The following MALRD1 variants were observed in gnomAD, a reference collection of about 807,000 sequenced individuals.
MALRD1 encodes the protein MAM and LDL receptor class A domain containing 1.
Under a neutral mutation model 242.1 loss-of-function variants are expected in MALRD1, and 247 were observed. The ratio of observed to expected loss-of-function variants is 1.02; its 90% CI spans 0.92 to 1.13. The LOEUF is 1.13. Ranked by LOEUF, MALRD1 falls within the 50% of genes most tolerant of loss-of-function variation. The pLI, the probability that MALRD1 is intolerant of heterozygous loss-of-function variation, is 0.00. For synonymous variants in MALRD1, 995 were observed against 866.6 expected, an observed-to-expected ratio of 1.15 and a Z score of -2.60; for missense variants, 2,989 against 2,533.1, an observed-to-expected ratio of 1.18 and a Z score of -3.86.
At chr10:19,697,803 C>T (rs1030106961) in intron 38 of MALRD1, among the ~76,000 whole-genome samples, 4 of 152,092 alleles carry the variant, frequency 2.6e-5, no homozygotes, top group Non-Finnish European at 5.9e-5. Flanking sequence ...TCTTTCTTTG[C>T]CAGGCTCTAC....
chr10:19,704,884 T>G (rs1433999225), intron 38 of MALRD1, among the ~76,000 whole-genome samples: 2 of 152,124 alleles, frequency 1.3e-5, no homozygotes, highest in Non-Finnish European at 2.9e-5. Flanking sequence ...TGGGTGCTCA[T>G]GCCTGTAATC....
At chr10:19,144,024 A>G (rs570113354) in intron 10 of MALRD1, among the ~76,000 whole-genome samples, 86 of 152,322 alleles carry the variant, frequency 5.6e-4, no homozygotes, top group African/African-American at 1.6e-3. Flanking sequence ...AACATAGCCA[A>G]GAGCAATAGA....
intron 31 of MALRD1, among the ~76,000 whole-genome samples, chr10:19,521,627 G>A (rs3864834): frequency 6.6e-6 from 1 of 151,876 alleles, no homozygotes; most frequent in Non-Finnish European, 1.5e-5. Context: ...TAATATTTTA[G>A]AAGATTCAGT....
At chr10:19,391,165 C>T (rs892546856) in intron 28 of MALRD1, among the ~76,000 whole-genome samples, 2 of 152,102 alleles carry the variant, frequency 1.3e-5, no homozygotes, top group African/African-American at 4.8e-5. Context: ...TCCTGTGGTT[C>T]CTCTAATTGA....
intron 33 of MALRD1, among the ~76,000 whole-genome samples, chr10:19,593,237 A>G (rs913498942): frequency 5.3e-5 from 8 of 152,184 alleles, no homozygotes; most frequent in South Asian, 2.1e-4. Context: ...CATGATAGCG[A>G]TGTCTCCAAG....
At chr10:19,325,392 T>C (rs142633552) in intron 22 of MALRD1, among the ~76,000 whole-genome samples, 32 of 142,492 alleles carry the variant, frequency 2.2e-4, no homozygotes, top group Non-Finnish European at 4.4e-4. Flanking sequence ...TGGAATTAAC[T>C]ATTCTTTCAG....
At chr10:19,166,044 C>A (rs1834673220) in intron 13 of MALRD1, among the ~76,000 whole-genome samples, 1 of 152,196 alleles carries the variant, frequency 6.6e-6, no homozygotes, top group Non-Finnish European at 1.5e-5. Context: ...AGATCAAACA[C>A]ATGATCTGTG....
intron 19 of MALRD1, among the ~76,000 whole-genome samples, chr10:19,271,193 A>G (rs890599047): frequency 1.3e-5 from 2 of 152,230 alleles, no homozygotes; most frequent in Non-Finnish European, 1.5e-5. Flanking sequence ...CCCCAAAATC[A>G]TTAACGGTAG....
intron 28 of MALRD1, among the ~76,000 whole-genome samples, chr10:19,422,582 GAACA>G (rs1407292898): frequency 3.3e-5 from 5 of 152,106 alleles, no homozygotes; most frequent in Non-Finnish European, 7.3e-5. Flanking sequence ...GAGTGAAATT[GAACA>G]AATGAGAATT....
At chr10:19,101,761 A>G (rs1836268080) in intron 4 of MALRD1, among the ~76,000 whole-genome samples, 1 of 136,066 alleles carries the variant, frequency 7.3e-6, no homozygotes, top group African/African-American at 2.6e-5. Flanking sequence ...ATATATTATA[A>G]TATGTATATT....
chr10:19,429,016 T>C (rs1834013714), intron 28 of MALRD1, among the ~76,000 whole-genome samples: 3 of 152,226 alleles, frequency 2.0e-5, no homozygotes, highest in Admixed American at 2.0e-4. Context: ...CTGTATGTTA[T>C]TATGGAACTG....
chr10:19,719,223 C>CATATATATAT (rs368394538), intron 38 of MALRD1, among the ~76,000 whole-genome samples: 835 of 76,172 alleles, frequency 0.011, 30 homozygotes, highest in Non-Finnish European at 0.011. Context: ...CACATACATA[C>CATATATATAT]ATATATATAT....
intron 31 of MALRD1, among the ~76,000 whole-genome samples, chr10:19,514,433 A>T (rs1045087185): frequency 1.3e-5 from 2 of 152,142 alleles, no homozygotes; most frequent in Admixed American, 6.5e-5. Context: ...AGAAAGAAAA[A>T]AATTCTTTTG....
At chr10:19,232,695 T>C (rs984862304) in intron 18 of MALRD1, among the ~76,000 whole-genome samples, 7 of 152,106 alleles carry the variant, frequency 4.6e-5, no homozygotes, top group Non-Finnish European at 1.0e-4. Flanking sequence ...ACCTAAAGAA[T>C]AGAGAACAAT....
At chr10:19,224,950 C>G (rs893620836) in intron 18 of MALRD1, among the ~76,000 whole-genome samples, 1 of 152,094 alleles carries the variant, frequency 6.6e-6, no homozygotes, top group Non-Finnish European at 1.5e-5. Flanking sequence ...AGGTTTTCTT[C>G]TAGAGTTTTT....
At chr10:19,523,834 C>T (rs1462385511) in intron 31 of MALRD1, among the ~76,000 whole-genome samples, 1 of 150,776 alleles carries the variant, frequency 6.6e-6, no homozygotes, top group Non-Finnish European at 1.5e-5. Flanking sequence ...GCGGGGGGCG[C>T]ATGGGGGGAG....
At chr10:19,126,181 T>G (rs1588582894) in intron 7 of MALRD1, among the ~76,000 whole-genome samples, 1 of 152,126 alleles carries the variant, frequency 6.6e-6, no homozygotes, top group East Asian at 1.9e-4. Context: ...AAATGTTTCT[T>G]TATCTTTGTT....
intron 36 of MALRD1, among the ~76,000 whole-genome samples, chr10:19,638,100 TCA>T (rs1840224282): frequency 4.0e-5 from 1 of 25,120 alleles, no homozygotes; most frequent in African/African-American, 1.5e-4. Flanking sequence ...AAACTCACTC[TCA>T]AAAAAAAAAA....
intron 4 of MALRD1, among the ~76,000 whole-genome samples, chr10:19,100,302 G>A (rs1836205865): frequency 6.6e-6 from 1 of 152,042 alleles, no homozygotes; most frequent in African/African-American, 2.4e-5. Context: ...GACTCAAATG[G>A]CAGCGAATTT....
Sources: allele counts gnomAD v4.1 joint callset (sites outside exome capture counted in the v4.1 genomes callset), GRCh38; gene constraint gnomAD v4.1.1; transcripts MANE v1.5; gene names NCBI Gene and HGNC (gene_info 2026-07-23, HGNC 2026-07-21).